SHOC2: variants seen among roughly 807,000 people sequenced by gnomAD.
The protein encoded by SHOC2 is leucine-rich repeat protein SHOC-2.
In SHOC2, 4 loss-of-function variants were observed where a neutral mutation model predicts 50.2. The observed-to-expected ratio is 0.08, with a 90% CI of 0.04 to 0.18. SHOC2 has a LOEUF of 0.18. Among genes scored for constraint, SHOC2 ranks in the 10% least tolerant of loss-of-function variants. The pLI, the probability that SHOC2 is intolerant of heterozygous loss-of-function variation, is 1.00. For synonymous variants in SHOC2, 218 were observed against 244.5 expected (o/e 0.89, Z 1.01); for missense variants, 388 against 669.6 (o/e 0.58, Z 4.64).
chr10:110,969,296 A>G (rs374603163), intron 2 of SHOC2, among the ~76,000 whole-genome samples: 1 of 152,162 alleles, frequency 6.6e-6, no homozygotes, highest in Non-Finnish European at 1.5e-5. Context: ...TCTTCACTCT[A>G]TACAAAGACA....
At chr10:110,926,901 A>G (rs1846787910) in intron 1 of SHOC2, among the ~76,000 whole-genome samples, 1 of 152,202 alleles carries the variant, frequency 6.6e-6, no homozygotes, top group African/African-American at 2.4e-5. Flanking sequence ...TTATCTGAAA[A>G]TACTGATCAG....
intron 4 of SHOC2, among the ~76,000 whole-genome samples, chr10:111,002,596 T>A (rs1041192162): frequency 6.6e-6 from 1 of 152,186 alleles, no homozygotes; most frequent in Non-Finnish European, 1.5e-5. Context: ...GTTATTGGAG[T>A]ATCCTCATCA....
chr10:110,958,376 G>C (rs980869625), intron 1 of SHOC2, among the ~76,000 whole-genome samples: 8 of 152,006 alleles, frequency 5.3e-5, no homozygotes, highest in African/African-American at 1.9e-4. Context: ...ACCACGCCCA[G>C]CTAATTTTTG....
chr10:110,920,715 G>T (rs1846622481), intron 1 of SHOC2, among the ~76,000 whole-genome samples: 1 of 152,176 alleles, frequency 6.6e-6, no homozygotes, highest in Non-Finnish European at 1.5e-5. Flanking sequence ...CGTAATGGGG[G>T]TGATGAGAAT....
At chr10:110,957,786 AT>A (rs1486092209) in intron 1 of SHOC2, among the ~76,000 whole-genome samples, 1 of 152,170 alleles carries the variant, frequency 6.6e-6, no homozygotes, top group Non-Finnish European at 1.5e-5. Flanking sequence ...AATTAATGAT[AT>A]CAAAATTTAT....
chr10:110,980,815 C>G (rs1023633543), intron 2 of SHOC2, among the ~76,000 whole-genome samples: 1 of 152,064 alleles, frequency 6.6e-6, no homozygotes, highest in Non-Finnish European at 1.5e-5. Context: ...CCCAACTTCC[C>G]CCAACAGTCA....
intron 1 of SHOC2, among the ~76,000 whole-genome samples, chr10:110,943,066 C>T (rs374485604): frequency 1.3e-3 from 191 of 152,228 alleles, no homozygotes; most frequent in African/African-American, 4.3e-3. Context: ...CATGTGGATT[C>T]TCTTTGAATT....
chr10:111,003,838 G>C (rs147431643), intron 4 of SHOC2, among the ~76,000 whole-genome samples: 2 of 152,210 alleles, frequency 1.3e-5, no homozygotes, highest in African/African-American at 4.8e-5. Flanking sequence ...ATTGATTATT[G>C]ATTATATACG....
intron 1 of SHOC2, among the ~76,000 whole-genome samples, chr10:110,943,364 T>C (rs916457104): frequency 1.3e-5 from 2 of 152,110 alleles, no homozygotes; most frequent in African/African-American, 4.8e-5. Context: ...ACCCTTCTAG[T>C]GAGGTTTGCA....
chr10:110,937,711 C>CA (rs1275958638), intron 1 of SHOC2, among the ~76,000 whole-genome samples: 1 of 152,048 alleles, frequency 6.6e-6, no homozygotes, highest in East Asian at 1.9e-4. Context: ...TTCCGAAAGC[C>CA]AAAAATAGTT....
intron 2 of SHOC2, among the ~76,000 whole-genome samples, chr10:110,967,437 A>G (rs575410131): frequency 6.6e-6 from 1 of 152,322 alleles, no homozygotes; most frequent in African/African-American, 2.4e-5. Context: ...ATTGCACAAG[A>G]TTGCGGGGGA....
chr10:110,957,403 T>C (rs930127442), intron 1 of SHOC2, among the ~76,000 whole-genome samples: 3 of 152,310 alleles, frequency 2.0e-5, no homozygotes, highest in East Asian at 3.9e-4. Context: ...TTTTTAATGC[T>C]CGTCTGTTAT....
intron 1 of SHOC2, among the ~76,000 whole-genome samples, chr10:110,938,173 G>A (rs1292477233): frequency 6.6e-6 from 1 of 152,102 alleles, no homozygotes; most frequent in Admixed American, 6.5e-5. Context: ...GAAAAATTTT[G>A]ATAGCTAGTG....
chr10:110,983,082 A>G (rs959890430), intron 2 of SHOC2, among the ~76,000 whole-genome samples: 2 of 152,112 alleles, frequency 1.3e-5, no homozygotes, highest in Admixed American at 6.5e-5. Context: ...TAATTAGGTT[A>G]TATCTTATAA....
intron 3 of SHOC2, among the ~76,000 whole-genome samples, chr10:110,989,326 C>G (rs1848139220): frequency 6.6e-6 from 1 of 152,074 alleles, no homozygotes; most frequent in Non-Finnish European, 1.5e-5. Context: ...GTACTAATTC[C>G]CATTTTTGTT....
rs532862129 is a variant in SHOC2 at position 110,949,328 on chromosome 10, G to A, written c.-234-14797G>A. Among the ~76,000 whole-genome samples the A allele has an allele frequency of 6.0e-4, 92 of 152,242 alleles. 1 individual carries two copies. Among genetic ancestry groups the A allele is most frequent in the African/African-American group, 1.8e-3 (74 of 41,552 alleles). Reference sequence around the variant, plus strand: ...TACAATGAATAACTATACACAAACAGATGGATAGCCTAGAAGAAATAGAAA... The same window carrying A: ...TACAATGAATAACTATACACAAACAAATGGATAGCCTAGAAGAAATAGAAA... On this transcript the variant is annotated intron_variant, in intron 1 of 8. Transcript: ENST00000369452.
rs192131099 is a variant in SHOC2 at position 110,955,649 on chromosome 10, A to G, written c.-234-8476A>G. 3.1e-4 allele frequency among the ~76,000 whole-genome samples: 47 copies of G among 152,316 alleles called. 1 individual carries two copies. Among genetic ancestry groups the G allele is most frequent in the African/African-American group, 1.1e-3 (44 of 41,564 alleles). On this transcript the variant is annotated intron_variant, in intron 1 of 8. Coordinates refer to ENST00000369452, the MANE Select transcript of SHOC2 (RefSeq NM_007373.4). ...AACCTGTAGTGTGAAAGGGAACTTCAGGGGGAAAATAGAATCTTTTAACCA... is the reference window on the plus strand; with the variant it reads ...AACCTGTAGTGTGAAAGGGAACTTCGGGGGGAAAATAGAATCTTTTAACCA...
At chr10:110,943,004 C>A (rs559930795) in intron 1 of SHOC2, among the ~76,000 whole-genome samples, 2 of 152,110 alleles carry the variant, frequency 1.3e-5, no homozygotes, top group South Asian at 4.1e-4. Flanking sequence ...CCTCAGTTTT[C>A]TAAGATGAAG....
At chr10:110,938,132 A>G (rs563069401) in intron 1 of SHOC2, among the ~76,000 whole-genome samples, 1 of 152,234 alleles carries the variant, frequency 6.6e-6, no homozygotes, top group African/African-American at 2.4e-5. Flanking sequence ...TCCTCACTTA[A>G]TTGGTCCTAT....
Sources: allele counts gnomAD v4.1 joint callset (sites outside exome capture counted in the v4.1 genomes callset), GRCh38; gene constraint gnomAD v4.1.1; transcripts MANE v1.5; gene names NCBI Gene and HGNC (gene_info 2026-07-23, HGNC 2026-07-21).